Variants in TPMT observed in about 807,000 individuals in gnomAD.
TPMT encodes S-adenosyl-L-methionine:thiopurine S-methyltransferase.
In TPMT, 18 loss-of-function variants were observed where a neutral mutation model predicts 34.2. The observed-to-expected ratio is 0.53, with a 90% CI of 0.36 to 0.78. The LOEUF (loss-of-function observed/expected upper bound fraction) is 0.78. Among genes scored for constraint, TPMT ranks in the 30% least tolerant of loss-of-function variants. The probability of loss-of-function intolerance (pLI) is 0.00; values close to 1 mark genes in which losing one functional copy is unlikely to be tolerated. For missense variants in TPMT, 265 were observed against 288.1 expected (o/e 0.92, Z 0.58); for synonymous variants, 69 against 92.4 (o/e 0.75, Z 1.45).
In TPMT at chr6:18,149,247, A is replaced by C; in HGVS notation, c.-44-76T>G. 2 of 1,253,754 alleles carry C rather than the reference A, an allele frequency of 1.6e-6. No individual in the cohort carries two copies. 77.7% of individuals were successfully genotyped at this position (1,253,754 alleles called of 1,614,324 possible). A position where few individuals can be genotyped will look rare whatever the true frequency, so the allele number is the denominator to read the frequency against. The stretch of plus-strand genomic sequence containing the variant: ...TTGATGAACTAAATGAAAACCTATT[A>C]TTCTTAGCAGTATGACTTTTTAAAA... On this transcript the variant is annotated intron_variant, in intron 1 of 8. Coordinates refer to ENST00000309983, the MANE Select transcript of TPMT (RefSeq NM_000367.5). The surrounding 1 kb of genome is among the most constrained non-coding windows in gnomAD (Gnocchi z 5.0).
At position 18,149,156 on chromosome 6, in the gene TPMT, C is replaced by T. The variant is rs1323439600; in HGVS notation, c.-29G>A. Reference sequence around the variant, plus strand: ...TTCAGAGACACCTTTGTCTCACAAGCATATGTCTTCCGTGCCTACGTGGAA... The same window carrying T: ...TTCAGAGACACCTTTGTCTCACAAGTATATGTCTTCCGTGCCTACGTGGAA... On this transcript the variant is annotated 5_prime_UTR_variant, in exon 2 of 9. The change abolishes an upstream ATG in the 5' untranslated region. Transcript: ENST00000309983. This position sits in a 1 kb window ranked among gnomAD's most constrained non-coding sequence, Gnocchi z 5.0. 1.2e-6 allele frequency: 2 copies of T among 1,613,874 alleles called. No homozygotes were observed. Among genetic ancestry groups the T allele is most frequent in the Non-Finnish European group, 1.7e-6 (2 of 1,180,014 alleles).
chr6:18,145,301 G>A lies in TPMT; in HGVS notation c.234-1573C>T, dbSNP rs991446454. Among the ~76,000 whole-genome samples, 2 of 152,210 alleles carry A rather than the reference G, an allele frequency of 1.3e-5. No individual in the cohort carries two copies. Among genetic ancestry groups the A allele is most frequent in the African/African-American group, 4.8e-5 (2 of 41,458 alleles). On this transcript the variant is annotated intron_variant, in intron 3 of 8. Coordinates refer to ENST00000309983, the MANE Select transcript of TPMT (RefSeq NM_000367.5). This position sits in a 1 kb window ranked among gnomAD's most constrained non-coding sequence, Gnocchi z 5.6. ...ACAGTTTTATACATGTTAAATGGTT[G>A]AGAAATAGATAAATACTACAATATG...
intron 4 of TPMT, among the ~76,000 whole-genome samples, chr6:18,142,887 C>T (rs1437901309): frequency 3.9e-5 from 6 of 152,076 alleles, no homozygotes; most frequent in Non-Finnish European, 8.8e-5. Flanking sequence ...TTGCTTTAAT[C>T]CATCCTAACC....
At position 18,143,790 on chromosome 6, in the gene TPMT, A is replaced by G. The variant is rs1229247653; in HGVS notation, c.234-62T>C. 6 of 1,587,898 alleles carry G rather than the reference A, an allele frequency of 3.8e-6. No homozygotes were observed. In the Admixed American group the frequency reaches 5.1e-5, roughly 13 times the overall value. On this transcript the variant is annotated intron_variant, in intron 3 of 8. Transcript: ENST00000309983. This position sits in a 1 kb window ranked among gnomAD's most constrained non-coding sequence, Gnocchi z 6.1. ...TTCAAATGACTAAATAGAGGGTTATATTAGAGTAAGCATATATTTTCTTTA... is the reference window on the plus strand; with the variant it reads ...TTCAAATGACTAAATAGAGGGTTATGTTAGAGTAAGCATATATTTTCTTTA...
In TPMT at chr6:18,155,066, G is replaced by C. The variant is rs1011021100; in HGVS notation, c.-78C>G. On this transcript the variant is annotated 5_prime_UTR_variant, in exon 1 of 9. Transcript: ENST00000309983. The surrounding 1 kb of genome is among the most constrained non-coding windows in gnomAD (Gnocchi z 6.2). ...CAGCTGGTTGCCGGCCATTGCCTCC[G>C]CCACCAATGACGTCCCCAGGGGCGG... 1 of 152,194 alleles carries C rather than the reference G, an allele frequency of 6.6e-6. No homozygotes were observed. The highest frequency in any genetic ancestry group is 1.5e-5 in the Non-Finnish European group (1 of 68,132). 9.4% of individuals were successfully genotyped at this position (152,194 alleles called of 1,614,324 possible).
chr6:18,130,532 A>G lies in TPMT; in HGVS notation c.*136T>C. On this transcript the variant is annotated 3_prime_UTR_variant, in exon 9 of 9. Transcript: ENST00000309983. This position sits in a 1 kb window ranked among gnomAD's most constrained non-coding sequence, Gnocchi z 4.2. ...AGAAAAAGTAAATGGCTTTACTAAA[A>G]AGCCATTTTTAGTAAAGATCTATCA... is the stretch of plus-strand genomic sequence containing the variant. The G allele has an allele frequency of 1.5e-6, 1 of 661,770 alleles. No individual in the cohort carries two copies. Among genetic ancestry groups the G allele is most frequent in the Non-Finnish European group, 2.6e-6 (1 of 384,734 alleles). The allele number at this position is 661,770 out of a possible 1,614,324, so 41.0% of individuals were successfully genotyped here. A position where few individuals can be genotyped will look rare whatever the true frequency, so the allele number is the denominator to read the frequency against.
At chr6:18,141,657 A>T (rs2150714287) in intron 4 of TPMT, among the ~76,000 whole-genome samples, 1 of 152,268 alleles carries the variant, frequency 6.6e-6, no homozygotes, top group South Asian at 2.1e-4. Context: ...TAATTTCAAT[A>T]TTTAGAAAAG....
At position 18,154,031 on chromosome 6, in the gene TPMT, C is replaced by T. The variant is rs1253760229; in HGVS notation, c.-45+1002G>A. 6.6e-6 allele frequency among the ~76,000 whole-genome samples: 1 copy of T among 152,178 alleles called. No homozygotes were observed. The highest frequency in any genetic ancestry group is 1.9e-4 in the East Asian group (1 of 5,184). On this transcript the variant is annotated intron_variant, in intron 1 of 8. Transcript: ENST00000309983. The surrounding 1 kb of genome is among the most constrained non-coding windows in gnomAD (Gnocchi z 4.2). Reference sequence around the variant, plus strand: ...CACTGGGGCTCAAGCGATCCTCTCACTTCAACCTCCTGAGTACCTGGGACT... The same window carrying T: ...CACTGGGGCTCAAGCGATCCTCTCATTTCAACCTCCTGAGTACCTGGGACT...
rs1185674573 is a variant in TPMT, at chr6:18,154,568, ACAC to A, written c.-45+462_-45+464del. On this transcript the variant is annotated intron_variant, in intron 1 of 8. Coordinates refer to ENST00000309983, the MANE Select transcript of TPMT (RefSeq NM_000367.5). This position sits in a 1 kb window ranked among gnomAD's most constrained non-coding sequence, Gnocchi z 4.2. The stretch of plus-strand genomic sequence containing the variant: ...TTATTTTTTCCCAAAAATCACTAAT[ACAC>A]CAGGCTGGGGAAAAAACCGAGAGTC... Among the ~76,000 whole-genome samples, 10 of 152,156 alleles carry A rather than the reference ACAC, an allele frequency of 6.6e-5. No homozygotes were observed. Among genetic ancestry groups the A allele is most frequent in the Middle Eastern group, 3.4e-3 (1 of 294 alleles).
chr6:18,151,700 C>T (rs892077179), intron 1 of TPMT, among the ~76,000 whole-genome samples: 1 of 152,024 alleles, frequency 6.6e-6, no homozygotes, highest in Non-Finnish European at 1.5e-5. Flanking sequence ...TCAAGTGATC[C>T]TCCCGCCTCA....
chr6:18,151,078 C>T (rs879506780), intron 1 of TPMT, among the ~76,000 whole-genome samples: 7 of 152,044 alleles, frequency 4.6e-5, no homozygotes, highest in Non-Finnish European at 8.8e-5. Flanking sequence ...ATCTTCTGAC[C>T]CGGTATGGTA....
At chr6:18,137,188 A>G (rs1354394127) in intron 6 of TPMT, among the ~76,000 whole-genome samples, 1 of 151,708 alleles carries the variant, frequency 6.6e-6, no homozygotes. Flanking sequence ...CCCAGGCTGG[A>G]GTGCCGTGGC....
In TPMT at chr6:18,145,175, C is replaced by A. The variant is rs1390953057; in HGVS notation, c.234-1447G>T. ...CTAAAATCACTGCACTATGCTAAAT[C>A]ACGCACTAAAAATCCCCAGGCTGGT... On this transcript the variant is annotated intron_variant, in intron 3 of 8. Transcript: ENST00000309983. The surrounding 1 kb of genome is among the most constrained non-coding windows in gnomAD (Gnocchi z 5.6). Among the ~76,000 whole-genome samples the A allele has an allele frequency of 2.0e-5, 3 of 152,116 alleles. No homozygotes were observed. The highest frequency in any genetic ancestry group is 7.2e-5 in the African/African-American group (3 of 41,430).
rs1784336665 is a variant in TPMT, at chr6:18,150,738, T to C, written c.-44-1567A>G. On this transcript the variant is annotated intron_variant, in intron 1 of 8. Transcript: ENST00000309983. This position sits in a 1 kb window ranked among gnomAD's most constrained non-coding sequence, Gnocchi z 5.3. ...TAGACTATTCCTCATCCTTGATGCA[T>C]AGCTCTGCTGGGTATCAAATTCTTG... Among the ~76,000 whole-genome samples the C allele has an allele frequency of 6.6e-6, 1 of 152,238 alleles. No homozygotes were observed. Among genetic ancestry groups the C allele is most frequent in the South Asian group, 2.1e-4 (1 of 4,832 alleles).
Position 18,152,930 on chromosome 6 carries a change from A to G in TPMT, c.-45+2103T>C, listed in dbSNP as rs191270453. On this transcript the variant is annotated intron_variant, in intron 1 of 8. Coordinates refer to ENST00000309983, the MANE Select transcript of TPMT (RefSeq NM_000367.5). ...GTTCTGGCCAGTCTACTGAGAATGC[A>G]CAGTAAGGGTTTTTCTGTCCTCTGC... Among the ~76,000 whole-genome samples, 5 of 152,282 alleles carry G rather than the reference A, an allele frequency of 3.3e-5. No homozygotes were observed. In the East Asian group the frequency reaches 9.6e-4, roughly 29 times the overall value.
rs147423634 is a variant in TPMT, at chr6:18,146,360, T to A, written c.233+1463A>T. On this transcript the variant is annotated intron_variant, in intron 3 of 8. Transcript: ENST00000309983. The surrounding 1 kb of genome is among the most constrained non-coding windows in gnomAD (Gnocchi z 6.2). ...GATTACAAGCGTACGCTGCCATGCC[T>A]GGCTAATTTTTGTATTTTTAGTAGA... Among the ~76,000 whole-genome samples the A allele has an allele frequency of 9.7e-3, 1,483 of 152,162 alleles. 16 individuals are homozygous for A. The highest frequency in any genetic ancestry group is 0.02 in the Middle Eastern group (6 of 294).
Position 18,140,966 on chromosome 6 carries a change from C to A in TPMT, c.367-1249G>T, listed in dbSNP as rs116315905. ...GTAGAGGAGGAAGGGTCTTTGACAACCAGCCTGGGATCACTGGGTCAGCCC... is the reference window on the plus strand; with the variant it reads ...GTAGAGGAGGAAGGGTCTTTGACAAACAGCCTGGGATCACTGGGTCAGCCC... On this transcript the variant is annotated intron_variant, in intron 4 of 8. Coordinates refer to ENST00000309983, the MANE Select transcript of TPMT (RefSeq NM_000367.5). The surrounding 1 kb of genome is among the most constrained non-coding windows in gnomAD (Gnocchi z 4.7). 5.2e-3 allele frequency among the ~76,000 whole-genome samples: 795 copies of A among 152,280 alleles called. 8 individuals are homozygous for A. Among genetic ancestry groups the A allele is most frequent in the African/African-American group, 0.018 (729 of 41,560 alleles).
chr6:18,143,067 AC>A lies in TPMT; in HGVS notation c.366+528del, dbSNP rs1784174677. Among the ~76,000 whole-genome samples the A allele has an allele frequency of 6.6e-6, 1 of 152,030 alleles. No homozygotes were observed. The highest frequency in any genetic ancestry group is 2.4e-5 in the African/African-American group (1 of 41,370). On this transcript the variant is annotated intron_variant, in intron 4 of 8. Transcript: ENST00000309983. The surrounding 1 kb of genome is among the most constrained non-coding windows in gnomAD (Gnocchi z 6.1). ...CTTCCCGAGGTGTCCAAGACCATGG[AC>A]CCAGGCCCTGCCTGATTCCAGCTCT...
At chr6:18,141,091 T>C (rs1784130165) in intron 4 of TPMT, among the ~76,000 whole-genome samples, 1 of 152,124 alleles carries the variant, frequency 6.6e-6, no homozygotes, top group East Asian at 1.9e-4. Context: ...GCCAGGGCCC[T>C]ACCCCTATAG....
Sources: gnomAD v4.1 joint callset for allele counts (sites outside exome capture counted in the v4.1 genomes callset) on GRCh38, gnomAD v4.1.1 for gene constraint, Gnocchi (gnomAD v3.1) non-coding constraint, MANE v1.5 for transcripts, NCBI Gene and HGNC (gene_info 2026-07-23, HGNC 2026-07-21) for gene names.